Variants in CREB3L1 observed in about 807,000 individuals in gnomAD.
The protein encoded by CREB3L1 is cyclic AMP-responsive element-binding protein 3-like protein 1.
Under a neutral mutation model 54.5 loss-of-function variants are expected in CREB3L1, and 33 were observed. The ratio of observed to expected loss-of-function variants is 0.61; its 90% confidence interval spans 0.46 to 0.81. The LOEUF (loss-of-function observed/expected upper bound fraction) is 0.81, where lower values mean the gene tolerates loss of function less well. Among genes scored for constraint, CREB3L1 ranks in the 30% least tolerant of loss-of-function variants. The pLI is 0.00. For missense variants in CREB3L1, 656 were observed against 673.3 expected (o/e 0.97, Z 0.29); for synonymous variants, 284 against 286.4 (o/e 0.99, Z 0.08).
chr11:46,290,193 G>A (rs1013858133), intron 1 of CREB3L1, among the ~76,000 whole-genome samples: 7 of 152,162 alleles, frequency 4.6e-5, no homozygotes, highest in Non-Finnish European at 8.8e-5. Context: ...AAAGGGACAG[G>A]CTGTTCCTCT....
intron 1 of CREB3L1, among the ~76,000 whole-genome samples, chr11:46,290,291 C>T (rs1243889174): frequency 6.6e-6 from 1 of 152,148 alleles, no homozygotes; most frequent in Non-Finnish European, 1.5e-5. Flanking sequence ...TCCTCCAATA[C>T]TTCAGGACCC....
chr11:46,292,187 C>T (rs1420096124), intron 1 of CREB3L1, among the ~76,000 whole-genome samples: 5 of 152,160 alleles, frequency 3.3e-5, no homozygotes, highest in Non-Finnish European at 5.9e-5. Context: ...AAGAACAACC[C>T]GGAGAATGGG....
chr11:46,303,636 T>C (rs1939334035), intron 2 of CREB3L1, among the ~76,000 whole-genome samples: 1 of 152,142 alleles, frequency 6.6e-6, no homozygotes, highest in South Asian at 2.1e-4. Context: ...AGAGTGAGAC[T>C]CTGTCTCAAA....
rs1285433019 is a variant in CREB3L1 at position 46,321,078 on chromosome 11, C to T, written c.*332C>T. 1 of 557,164 alleles carries T rather than the reference C, an allele frequency of 1.8e-6. No individual in the cohort carries two copies. Among genetic ancestry groups the T allele is most frequent in the Non-Finnish European group, 3.3e-6 (1 of 304,478 alleles). 34.5% of individuals were successfully genotyped at this position (557,164 alleles called of 1,614,324 possible). A position where few individuals can be genotyped will look rare whatever the true frequency, so the allele number is the denominator to read the frequency against. ...CAAACAGACACATCAACGCACCCCA[C>T]TCACAGACACCCCTTACCCCACCCC... On this transcript the variant is annotated 3_prime_UTR_variant, in exon 12 of 12. Transcript: ENST00000621158.
chr11:46,292,443 G>T (rs1459223357), intron 1 of CREB3L1, among the ~76,000 whole-genome samples: 1 of 152,190 alleles, frequency 6.6e-6, no homozygotes, highest in Non-Finnish European at 1.5e-5. Context: ...CCAATGCTAG[G>T]CTTTGCAGAT....
Position 46,312,902 on chromosome 11 carries a change from C to A in CREB3L1, c.1014C>A (p.Thr338=). 1 of 1,587,832 alleles carries A rather than the reference C, an allele frequency of 6.3e-7. No individual in the cohort carries two copies. ...ATGAACTGTGGAAGAAGGTGGAGAC[C>A]CTGGAGAATGCCAACAGGTGGGTAG... ...ENNELWKKVE[T]LENANRTLLQ... Residue 338 remains threonine, a synonymous_variant, in exon 8 of 12, where the codon ACC becomes ACA. Transcript: ENST00000621158.
Position 46,278,061 on chromosome 11 carries a change from G to T in CREB3L1, c.-51G>T. ...GGAGCTCTGGACTGGGCGCGCCGCC[G>T]CCCTGGAGTGAGGGAAGCCCAGTGG... is the stretch of plus-strand genomic sequence containing the variant. On this transcript the variant is annotated 5_prime_UTR_variant, in exon 1 of 12. Transcript: ENST00000621158. The surrounding 1 kb of genome is among the most constrained non-coding windows in gnomAD (Gnocchi z 4.2). 1 of 1,123,750 alleles carries T rather than the reference G, an allele frequency of 8.9e-7. No homozygotes were observed. The highest frequency in any genetic ancestry group is 2.2e-5 in the Admixed American group (1 of 44,562). 69.6% of individuals were successfully genotyped at this position (1,123,750 alleles called of 1,614,324 possible). A position where few individuals can be genotyped will look rare whatever the true frequency, so the allele number is the denominator to read the frequency against.
At chr11:46,317,752 G>A (rs528035946) in intron 10 of CREB3L1, among the ~76,000 whole-genome samples, 1 of 152,332 alleles carries the variant, frequency 6.6e-6, no homozygotes, top group Admixed American at 6.5e-5. Flanking sequence ...GCAGGAGGTG[G>A]GTTTAGGGGA....
At chr11:46,320,222 G>T in intron 10 of CREB3L1, 42 bp from the exon 11 acceptor site, 1 of 1,534,076 alleles carries the variant, frequency 6.5e-7, no homozygotes, top group South Asian at 1.3e-5. Flanking sequence ...AGGATGTTGA[G>T]GGAATCTTGG....
chr11:46,300,301 G>T (rs1373104377), intron 2 of CREB3L1, 138 bp downstream of exon 2: 15 of 654,338 alleles, frequency 2.3e-5, no homozygotes, highest in Middle Eastern at 4.2e-4. Flanking sequence ...CCCCTTAGGA[G>T]GTGCTCCTCC....
At chr11:46,300,890 A>AGCTACTTG (rs1471397799) in intron 2 of CREB3L1, among the ~76,000 whole-genome samples, 2 of 151,940 alleles carry the variant, frequency 1.3e-5, no homozygotes, top group Admixed American at 1.3e-4. Context: ...CTGTAGTCCC[A>AGCTACTTG]GCTACTTGGG....
At chr11:46,309,496 T>G (rs1318874518) in intron 3 of CREB3L1, among the ~76,000 whole-genome samples, 1 of 152,250 alleles carries the variant, frequency 6.6e-6, no homozygotes, top group Non-Finnish European at 1.5e-5. Flanking sequence ...TCTCATTGCC[T>G]CCAACTTCTT....
intron 1 of CREB3L1, among the ~76,000 whole-genome samples, chr11:46,284,822 G>C (rs1172208821): frequency 6.6e-6 from 1 of 152,192 alleles, no homozygotes; most frequent in Non-Finnish European, 1.5e-5. Context: ...CATTGTTCTA[G>C]TTTGAGATTT....
chr11:46,298,754 A>G (rs1939249041), intron 1 of CREB3L1, among the ~76,000 whole-genome samples: 1 of 152,202 alleles, frequency 6.6e-6, no homozygotes, highest in African/African-American at 2.4e-5. Flanking sequence ...AATTCTTTAG[A>G]GAGAGAAAAA....
chr11:46,296,329 C>T (rs1051311804), intron 1 of CREB3L1, among the ~76,000 whole-genome samples: 1 of 152,004 alleles, frequency 6.6e-6, no homozygotes, highest in African/African-American at 2.4e-5. Flanking sequence ...GTGAGAGGAC[C>T]AGAAGGTCCC....
chr11:46,314,054 T>C (rs1306169470), intron 8 of CREB3L1, among the ~76,000 whole-genome samples: 3 of 152,102 alleles, frequency 2.0e-5, no homozygotes, highest in Non-Finnish European at 4.4e-5. Context: ...CTGGCCAACA[T>C]GGTGAAACCC....
intron 1 of CREB3L1, among the ~76,000 whole-genome samples, chr11:46,284,623 C>G (rs1426053853): frequency 1.3e-5 from 2 of 150,354 alleles, no homozygotes; most frequent in African/African-American, 4.9e-5. Context: ...CATTGCACTC[C>G]AGTCTGGGCA....
Position 46,312,391 on chromosome 11 carries a change from G to A in CREB3L1, c.820G>A (p.Gly274Ser), listed in dbSNP as rs1939499036. Residue 274 changes from glycine to serine, a missense_variant, in exon 6 of 12, where the codon GGC becomes AGC. This residue lies in a region of CREB3L1 where 77 missense variants were observed against 122.0 expected (regional missense o/e 0.63). Transcript: ENST00000621158. ...GGAGAAGCGGACCCTGATTGCTGAG[G>A]GCTACCCCATCCCCACAAAACTCCC... ...EEEKRTLIAE[G>S]YPIPTKLPLT... 1 of 1,613,676 alleles carries A rather than the reference G, an allele frequency of 6.2e-7. No homozygotes were observed.
chr11:46,277,882 G>T lies in CREB3L1; in HGVS notation c.-230G>T, dbSNP rs1938896644. The T allele has an allele frequency of 1.4e-5, 5 of 368,912 alleles. No homozygotes were observed. The highest frequency in any genetic ancestry group is 4.8e-6 in the Non-Finnish European group (1 of 206,870). The allele number at this position is 368,912 out of a possible 1,614,324, so 22.9% of individuals were successfully genotyped here. A position where few individuals can be genotyped will look rare whatever the true frequency, so the allele number is the denominator to read the frequency against. On this transcript the variant is annotated 5_prime_UTR_variant, in exon 1 of 12. Transcript: ENST00000621158. ...GGAGTCGGCTGAATGCCCACGGTGC[G>T]CCCGGGGCCCCTGAGCCCATCCCGC...
Sources: gnomAD v4.1 joint callset for allele counts (sites outside exome capture counted in the v4.1 genomes callset) on GRCh38, gnomAD v4.1.1 for gene constraint, gnomAD v4.1.1 regional missense constraint, Gnocchi (gnomAD v3.1) non-coding constraint, MANE v1.5 for transcripts, NCBI Gene and HGNC (gene_info 2026-07-23, HGNC 2026-07-21) for gene names.